The following DCHS2 variants were observed in gnomAD, a reference collection of about 807,000 sequenced individuals.
DCHS2 encodes the protein protocadherin-23.
Under a neutral mutation model 182.4 loss-of-function variants are expected in DCHS2, and 142 were observed. That is an observed-to-expected ratio of 0.78 (90% CI 0.68 to 0.89). The LOEUF (loss-of-function observed/expected upper bound fraction) is 0.89. DCHS2 is among the 40% of genes least tolerant of loss of function. The probability of loss-of-function intolerance (pLI) is 0.00; values close to 1 mark genes in which losing one functional copy is unlikely to be tolerated. For synonymous variants in DCHS2, 1,740 were observed against 1,663.3 expected (o/e 1.05, Z -1.12); for missense variants, 4,319 against 4,198.6 (o/e 1.03, Z -0.79).
intron 3 of DCHS2, among the ~76,000 whole-genome samples, chr4:154,336,907 T>C (rs996178214): frequency 3.9e-5 from 6 of 152,240 alleles, no homozygotes; most frequent in Non-Finnish European, 8.8e-5. Context: ...TCAATTTTGA[T>C]AACCAAAGTG....
chr4:154,366,739 C>T (rs28376735), intron 2 of DCHS2, among the ~76,000 whole-genome samples: 2,830 of 152,200 alleles, frequency 0.019, 84 homozygotes, highest in African/African-American at 0.062. Context: ...ATGGTATGTA[C>T]ACTTCACTGC....
chr4:154,427,355 T>A (rs886849020), intron 1 of DCHS2, among the ~76,000 whole-genome samples: 1 of 152,208 alleles, frequency 6.6e-6, no homozygotes, highest in Non-Finnish European at 1.5e-5. Context: ...ATGTTCAAAC[T>A]GTGTTAAAAC....
intron 1 of DCHS2, among the ~76,000 whole-genome samples, chr4:154,470,214 A>G (rs181919776): frequency 2.6e-5 from 4 of 152,304 alleles, no homozygotes; most frequent in African/African-American, 4.8e-5. Context: ...ACAGTGGCTC[A>G]TTCCTGTAAT....
At chr4:154,244,770 T>C (rs1019075846) in intron 16 of DCHS2, among the ~76,000 whole-genome samples, 2 of 152,212 alleles carry the variant, frequency 1.3e-5, no homozygotes, top group African/African-American at 2.4e-5. Context: ...AACAACCACC[T>C]GAATCTCACA....
At position 154,235,271 on chromosome 4, in the gene DCHS2, C is replaced by T. The variant is rs747787568; in HGVS notation, c.9381G>A (p.Glu3127=). 1.9e-6 allele frequency: 3 copies of T among 1,614,100 alleles called. No individual in the cohort carries two copies. Among genetic ancestry groups the T allele is most frequent in the Non-Finnish European group, 2.5e-6 (3 of 1,179,974 alleles). Reference sequence around the variant, plus strand: ...GGATACCCGAGTCTGGCACCCTGGACTCGTGGTCACTCAGAGCTGAGTCTG... The same window carrying T: ...GGATACCCGAGTCTGGCACCCTGGATTCGTGGTCACTCAGAGCTGAGTCTG... ...KCSDSALSDH[E]SRVPDSGIPR... is the part of the protein sequence containing the mutation. The change falls in exon 20 of 20, where the codon GAG becomes GAA. Residue 3127 remains glutamate, a synonymous_variant. Transcript: ENST00000357232.
Position 154,236,607 on chromosome 4 carries a change from C to G in DCHS2, c.8045G>C (p.Ser2682Thr), listed in dbSNP as rs761840178. ...THVKESTPLG[S>T]HITVVSANDR... The stretch of plus-strand genomic sequence containing the variant: ...ATTTGCTGAGACCACAGTGATGTGA[C>G]TCCCTAGAGGGGTGCTTTCCTTGAC... Residue 2682 changes from serine (S) to threonine (T), a missense_variant, in exon 20 of 20, where the codon AGT becomes ACT. Transcript: ENST00000357232. 4 of 1,613,996 alleles carry G rather than the reference C, an allele frequency of 2.5e-6. No homozygotes were observed. The East Asian group carries it at 6.7e-5, about 27-fold the overall frequency.
At chr4:154,470,502 T>G (rs1026680619) in intron 1 of DCHS2, among the ~76,000 whole-genome samples, 12 of 122,484 alleles carry the variant, frequency 9.8e-5, no homozygotes, top group East Asian at 9.5e-4. Context: ...AAAAAAAAAA[T>G]GTCAAACAGC....
At position 154,235,990 on chromosome 4, in the gene DCHS2, T is replaced by C; in HGVS notation, c.8662A>G (p.Thr2888Ala). The change falls in exon 20 of 20, where the codon ACC (threonine) becomes GCC (alanine). Residue 2888 changes from threonine to alanine, a missense_variant. Physicochemically the swap from Thr to Ala is moderately conservative, Grantham distance 58. Coordinates refer to ENST00000357232, the MANE Select transcript of DCHS2 (RefSeq NM_001358235.2). ...PIFTQDQYFF[T>A]LPEKNKDRQL... ...CTGTCTTTATTCTTTTCTGGGAGGG[T>C]GAAAAAATACTGATCTTGAGTGAAA... 6.2e-7 allele frequency: 1 copy of C among 1,613,908 alleles called. No individual in the cohort carries two copies. Among genetic ancestry groups the C allele is most frequent in the Non-Finnish European group, 8.5e-7 (1 of 1,179,940 alleles).
At chr4:154,340,457 G>GA (rs1234898589) in intron 3 of DCHS2, among the ~76,000 whole-genome samples, 1 of 152,140 alleles carries the variant, frequency 6.6e-6, no homozygotes, top group Non-Finnish European at 1.5e-5. Flanking sequence ...CTCTGGTACT[G>GA]AAAAATATTC....
intron 5 of DCHS2, among the ~76,000 whole-genome samples, chr4:154,332,263 A>C (rs1156594861): frequency 6.6e-6 from 1 of 152,182 alleles, no homozygotes; most frequent in Non-Finnish European, 1.5e-5. Context: ...TCAATTTTTA[A>C]TCCATTTTTA....
intron 5 of DCHS2, among the ~76,000 whole-genome samples, chr4:154,331,050 G>T (rs1001220817): frequency 6.6e-6 from 1 of 152,096 alleles, no homozygotes; most frequent in African/African-American, 2.4e-5. Context: ...GTCACTTGTA[G>T]GACTGTCCAG....
At chr4:154,478,541 C>T (rs542797076) in intron 1 of DCHS2, among the ~76,000 whole-genome samples, 2 of 152,224 alleles carry the variant, frequency 1.3e-5, no homozygotes, top group South Asian at 4.2e-4. Flanking sequence ...AGGCACCATG[C>T]AGGGTGGTTA....
At chr4:154,482,539 A>T (rs966859149) in intron 1 of DCHS2, among the ~76,000 whole-genome samples, 6 of 152,236 alleles carry the variant, frequency 3.9e-5, no homozygotes, top group African/African-American at 1.2e-4. Flanking sequence ...ATCAACTCCT[A>T]CAGGACATTG....
chr4:154,340,313 CA>C (rs1729005887), intron 3 of DCHS2, among the ~76,000 whole-genome samples: 1 of 152,098 alleles, frequency 6.6e-6, no homozygotes, highest in Non-Finnish European at 1.5e-5. Flanking sequence ...TTATAATAAA[CA>C]AACTCTGGAG....
At chr4:154,335,203 A>G in intron 3 of DCHS2, 99 bp from the exon 4 acceptor site, 4 of 823,846 alleles carry the variant, frequency 4.9e-6, no homozygotes, top group Non-Finnish European at 8.2e-6. Context: ...GTGATGTTTT[A>G]TTTTATGTGT....
chr4:154,374,051 C>T, intron 2 of DCHS2: 1 of 1,041,776 alleles, frequency 9.6e-7, no homozygotes, highest in Non-Finnish European at 1.4e-6. Context: ...ACCTCTATAT[C>T]TACAATACCA....
chr4:154,297,369 G>C (rs1329266021), intron 13 of DCHS2, among the ~76,000 whole-genome samples: 2 of 152,134 alleles, frequency 1.3e-5, no homozygotes, highest in African/African-American at 4.8e-5. Flanking sequence ...CACCTACCTG[G>C]ATATTTATGG....
At chr4:154,343,965 C>T (rs1729236541) in intron 3 of DCHS2, among the ~76,000 whole-genome samples, 1 of 152,132 alleles carries the variant, frequency 6.6e-6, no homozygotes, top group Non-Finnish European at 1.5e-5. Flanking sequence ...TCCTTTCACT[C>T]GGACACTTAA....
intron 19 of DCHS2, among the ~76,000 whole-genome samples, chr4:154,238,303 G>T (rs533175232): frequency 9.9e-5 from 15 of 152,208 alleles, no homozygotes; most frequent in African/African-American, 3.1e-4. Context: ...GCTTCATGCT[G>T]GTATTTTGGG....
Sources: allele counts gnomAD v4.1 joint callset (sites outside exome capture counted in the v4.1 genomes callset), GRCh38; gene constraint gnomAD v4.1.1; transcripts MANE v1.5; gene names NCBI Gene and HGNC (gene_info 2026-07-23, HGNC 2026-07-21).